TDP1: variants seen among roughly 807,000 people sequenced by gnomAD.
TDP1 encodes the protein tyr-DNA phosphodiesterase 1.
Under a neutral mutation model 81.5 loss-of-function variants are expected in TDP1, and 64 were observed. The observed-to-expected ratio is 0.79, with a 90% CI of 0.64 to 0.97. The LOEUF is 0.97. TDP1 is among the 50% of genes least tolerant of loss of function. TDP1 has a pLI of 0.00. For synonymous variants in TDP1, 256 were observed against 264.3 expected, an observed-to-expected ratio of 0.97 and a Z score of 0.30; for missense variants, 723 against 743.8, an observed-to-expected ratio of 0.97 and a Z score of 0.33.
At chr14:89,961,157 G>T (rs184866166) in intron 2 of TDP1, among the ~76,000 whole-genome samples, 2 of 152,212 alleles carry the variant, frequency 1.3e-5, no homozygotes, top group African/African-American at 4.8e-5. Flanking sequence ...TGTGCATCTC[G>T]TGTTCACTTT....
rs988593389 is a variant in TDP1, at chr14:90,043,907, C to T, written c.*764C>T. On this transcript the variant is annotated 3_prime_UTR_variant, in exon 17 of 17. Transcript: ENST00000335725. ...TACCCAGGAAGAACACGATCATTTC[C>T]TTTTTCACCGATGCCCTCTCTCAGC... 1.3e-5 allele frequency: 2 copies of T among 152,250 alleles called. No individual in the cohort carries two copies. The highest frequency in any genetic ancestry group is 2.9e-5 in the Non-Finnish European group (2 of 68,126). 9.4% of individuals were successfully genotyped at this position (152,250 alleles called of 1,614,324 possible).
intron 7 of TDP1, among the ~76,000 whole-genome samples, chr14:89,976,803 T>C (rs1482425266): frequency 6.6e-6 from 1 of 151,160 alleles, no homozygotes; most frequent in Non-Finnish European, 1.5e-5. Context: ...TCCCCAAGTG[T>C]TGGGATTACA....
chr14:89,993,910 G>T (rs35440444), intron 14 of TDP1, among the ~76,000 whole-genome samples: 1 of 152,074 alleles, frequency 6.6e-6, no homozygotes, highest in Middle Eastern at 3.4e-3. Flanking sequence ...TGTAATTCAC[G>T]TACCATAAAA....
At chr14:90,036,835 G>C (rs915053560) in intron 16 of TDP1, among the ~76,000 whole-genome samples, 2 of 142,682 alleles carry the variant, frequency 1.4e-5, no homozygotes, top group Non-Finnish European at 3.0e-5. Context: ...AAAAAGATAG[G>C]GTCTCGCTCT....
intron 14 of TDP1, among the ~76,000 whole-genome samples, chr14:90,008,218 G>C (rs1230391638): frequency 6.6e-6 from 1 of 152,106 alleles, no homozygotes; most frequent in Non-Finnish European, 1.5e-5. Flanking sequence ...CAACTCTTAT[G>C]AGATGCTTGT....
chr14:89,998,518 C>T (rs1896922094), intron 14 of TDP1, among the ~76,000 whole-genome samples: 1 of 149,756 alleles, frequency 6.7e-6, no homozygotes, highest in African/African-American at 2.5e-5. Flanking sequence ...CATTAATCCC[C>T]TTTTCAGATG....
intron 15 of TDP1, among the ~76,000 whole-genome samples, chr14:90,029,372 T>G (rs1887011387): frequency 6.6e-6 from 1 of 151,866 alleles, no homozygotes; most frequent in Non-Finnish European, 1.5e-5. Context: ...TAATTTTTTG[T>G]ATTTTTAGTA....
chr14:90,033,294 A>T (rs1438817592), intron 16 of TDP1, 80 bp downstream of exon 16: 2 of 860,982 alleles, frequency 2.3e-6, no homozygotes, highest in Admixed American at 3.9e-5. Context: ...CTTTGGTCTC[A>T]GTGGGATCCT....
chr14:89,996,075 GC>G (rs1437056322), intron 14 of TDP1, among the ~76,000 whole-genome samples: 1 of 152,162 alleles, frequency 6.6e-6, no homozygotes, highest in African/African-American at 2.4e-5. Context: ...TCCAGTCCTT[GC>G]AATTACCAGG....
At chr14:89,992,873 C>G (rs894744284) in intron 13 of TDP1, 1 of 955,392 alleles carries the variant, frequency 1.0e-6, no homozygotes, top group African/African-American at 1.8e-5. Context: ...AAACCAAACT[C>G]AGATTTGTGA....
In TDP1 at chr14:90,006,525, G is replaced by A. The variant is rs565505420; in HGVS notation, c.1542-12791G>A. On this transcript the variant is annotated intron_variant, in intron 14 of 16. Transcript: ENST00000335725. ...TCCCCAAGTAGCTGGGACTACAGGT[G>A]TATGCCACCATGCCTAGCTAATTTT... 2.0e-5 allele frequency among the ~76,000 whole-genome samples: 3 copies of A among 151,936 alleles called. No homozygotes were observed. The East Asian group carries it at 5.9e-4, about 30-fold the overall frequency.
Position 89,985,137 on chromosome 14 carries a change from A to C in TDP1, c.1058A>C (p.Tyr353Ser). Residue 353 changes from tyrosine to serine, a missense_variant, in exon 10 of 17, where the codon TAT becomes TCT. Transcript: ENST00000335725. ...HKHDLSETNV[Y>S]LIGSTPGRFQ... ...GTGTTTTTATGTCTTTTTAGTGTTT[A>C]TCTTATTGGTTCAACCCCAGGACGC... 6.2e-7 allele frequency: 1 copy of C among 1,609,508 alleles called. No individual in the cohort carries two copies. The highest frequency in any genetic ancestry group is 1.7e-5 in the Admixed American group (1 of 59,896).
chr14:90,027,192 C>T (rs190641433), intron 15 of TDP1, among the ~76,000 whole-genome samples: 1 of 152,038 alleles, frequency 6.6e-6, no homozygotes, highest in South Asian at 2.1e-4. Context: ...GTTTTGATTT[C>T]CATTTCTCTG....
Position 89,975,521 on chromosome 14 carries a change from G to A in TDP1, c.757-260G>A, listed in dbSNP as rs1278746372. On this transcript the variant is annotated intron_variant, in intron 6 of 16. Transcript: ENST00000335725. ...TTTAGGCTTCTCAGTCCTAATTACT[G>A]TAATTAAAAATGTAGTATATATTCT... 9.5e-6 allele frequency: 9 copies of A among 951,798 alleles called. No homozygotes were observed. In the African/African-American group the frequency reaches 1.6e-4, roughly 17 times the overall value. The allele number at this position is 951,798 out of a possible 1,614,324, so 59.0% of individuals were successfully genotyped here.
chr14:89,965,774 C>T (rs371060909), intron 3 of TDP1: 2 of 984,914 alleles, frequency 2.0e-6, no homozygotes. Flanking sequence ...TTTTTCTAGT[C>T]TTGAGTTGGG....
intron 16 of TDP1, among the ~76,000 whole-genome samples, chr14:90,039,263 T>G (rs1888127109): frequency 1.3e-5 from 2 of 152,188 alleles, no homozygotes; most frequent in African/African-American, 4.8e-5. Context: ...TCTACTAACT[T>G]GGTAAATCAG....
chr14:89,991,717 T>C, intron 12 of TDP1, 200 bp from the exon 13 acceptor site: 1 of 930,000 alleles, frequency 1.1e-6, no homozygotes, highest in Non-Finnish European at 1.3e-6. Context: ...AAGTTAATAC[T>C]GAAGGAAGGA....
intron 16 of TDP1, among the ~76,000 whole-genome samples, chr14:90,038,185 AT>A (rs940474184): frequency 4.6e-5 from 7 of 152,248 alleles, no homozygotes; most frequent in Non-Finnish European, 1.0e-4. Flanking sequence ...TAATTTCAAA[AT>A]TTTTTTTAAA....
chr14:90,032,815 G>T (rs1887433157), intron 15 of TDP1: 3 of 984,720 alleles, frequency 3.0e-6, no homozygotes, highest in African/African-American at 3.5e-5. Flanking sequence ...GTTGAAATGG[G>T]CTATCATATC....
Sources: gnomAD v4.1 joint callset for allele counts (sites outside exome capture counted in the v4.1 genomes callset) on GRCh38, gnomAD v4.1.1 for gene constraint, MANE v1.5 for transcripts, NCBI Gene and HGNC (gene_info 2026-07-23, HGNC 2026-07-21) for gene names.